The following UBE2QL1 variants were observed in gnomAD, a reference collection of about 807,000 sequenced individuals.
UBE2QL1 encodes the protein ubiquitin-conjugating enzyme E2Q-like protein 1.
UBE2QL1 carries 5 observed loss-of-function variants against 12.6 expected under a neutral mutation model. The observed-to-expected ratio is 0.40, with a 90% CI of 0.21 to 0.83. UBE2QL1 has a LOEUF of 0.83. Among genes scored for constraint, UBE2QL1 ranks in the 40% least tolerant of loss-of-function variants. The pLI is 0.37. For synonymous variants in UBE2QL1, 96 were observed against 94.5 expected, an observed-to-expected ratio of 1.02 and a Z score of -0.10; for missense variants, 99 against 222.6, an observed-to-expected ratio of 0.44 and a Z score of 3.53.
rs1344861331 is a variant in UBE2QL1, at chr5:6,461,541, C to CCG, written c.354+12295_354+12296insGC. On this transcript the variant is annotated intron_variant, in intron 1 of 1. Transcript: ENST00000399816. ...TATCCCCAGTGTTTTTCAGCACCCA[C>CCG]CACCCCCCCCCGCCGGCATATCATT... Among the ~76,000 whole-genome samples, 41 of 40,772 alleles carry CCG rather than the reference C, an allele frequency of 1.0e-3. 2 individuals are homozygous for CCG. The highest frequency in any genetic ancestry group is 2.3e-3 in the African/African-American group (34 of 14,996). 26.7% of individuals were successfully genotyped at this position (40,772 alleles called of 152,430 possible). A position where few individuals can be genotyped will look rare whatever the true frequency, so the allele number is the denominator to read the frequency against.
chr5:6,478,922 C>T lies in UBE2QL1; in HGVS notation c.355-12296C>T, dbSNP rs756216552. 1.8e-4 allele frequency among the ~76,000 whole-genome samples: 28 copies of T among 152,132 alleles called. No homozygotes were observed. The highest frequency in any genetic ancestry group is 3.3e-4 in the Admixed American group (5 of 15,280). On this transcript the variant is annotated intron_variant, in intron 1 of 1. Transcript: ENST00000399816. This position sits in a 1 kb window ranked among gnomAD's most constrained non-coding sequence, Gnocchi z 4.5. The stretch of plus-strand genomic sequence containing the variant: ...GGTGCATCTGATCTCCCTGGCACCC[C>T]TCCACTCCCCTCTGCTTCCTTCCTG...
intron 1 of UBE2QL1, among the ~76,000 whole-genome samples, chr5:6,451,461 T>G (rs568859379): frequency 2.6e-4 from 39 of 152,344 alleles, no homozygotes; most frequent in African/African-American, 9.1e-4. Flanking sequence ...AAGTGAGAGA[T>G]TTCTTTATTG....
chr5:6,475,034 A>G (rs752511276), intron 1 of UBE2QL1, among the ~76,000 whole-genome samples: 1 of 152,254 alleles, frequency 6.6e-6, no homozygotes, highest in Non-Finnish European at 1.5e-5. Flanking sequence ...AGCTTTCCCT[A>G]TATTCTATCA....
chr5:6,476,081 AG>A lies in UBE2QL1; in HGVS notation c.355-15134del, dbSNP rs1408562945. On this transcript the variant is annotated intron_variant, in intron 1 of 1. Transcript: ENST00000399816. The surrounding 1 kb of genome is among the most constrained non-coding windows in gnomAD (Gnocchi z 4.9). ...AGAACACTTTCAGGACTTCAAAATC[AG>A]GGTGGGGTATGCCTGCTTAGTCATG... Among the ~76,000 whole-genome samples the A allele has an allele frequency of 1.3e-5, 2 of 152,012 alleles. No homozygotes were observed. The highest frequency in any genetic ancestry group is 2.9e-5 in the Non-Finnish European group (2 of 67,994).
At chr5:6,455,001 C>T (rs1274154546) in intron 1 of UBE2QL1, among the ~76,000 whole-genome samples, 1 of 152,178 alleles carries the variant, frequency 6.6e-6, no homozygotes, top group Non-Finnish European at 1.5e-5. Context: ...TTGGAGAGCT[C>T]CAGCAGCTCA....
rs928204327 is a variant in UBE2QL1, at chr5:6,494,345, T to C, written c.*2996T>C. The C allele has an allele frequency of 6.6e-6, 1 of 152,220 alleles. No homozygotes were observed. The highest frequency in any genetic ancestry group is 2.4e-5 in the African/African-American group (1 of 41,468). The allele number at this position is 152,220 out of a possible 1,614,324, so 9.4% of individuals were successfully genotyped here. A position where few individuals can be genotyped will look rare whatever the true frequency, so the allele number is the denominator to read the frequency against. On this transcript the variant is annotated 3_prime_UTR_variant, in exon 2 of 2. Coordinates refer to ENST00000399816, the MANE Select transcript of UBE2QL1 (RefSeq NM_001145161.3). Reference sequence around the variant, plus strand: ...CATGTGCCAATACTCCTGCAAAGACTTGCTGTTTCTAAAATCCACTACTCA... The same window carrying C: ...CATGTGCCAATACTCCTGCAAAGACCTGCTGTTTCTAAAATCCACTACTCA...
chr5:6,466,490 G>A (rs1196590343), intron 1 of UBE2QL1, among the ~76,000 whole-genome samples: 3 of 152,240 alleles, frequency 2.0e-5, no homozygotes, highest in Non-Finnish European at 4.4e-5. Flanking sequence ...GGTGGGGCTG[G>A]GCAGTGTGGC....
At chr5:6,468,414 A>T (rs1281979449) in intron 1 of UBE2QL1, among the ~76,000 whole-genome samples, 1 of 152,078 alleles carries the variant, frequency 6.6e-6, no homozygotes, top group Non-Finnish European at 1.5e-5. Flanking sequence ...GCAAAGTGAG[A>T]GTGTGGAGGG....
chr5:6,475,948 G>A (rs1734218588), intron 1 of UBE2QL1, among the ~76,000 whole-genome samples: 1 of 152,208 alleles, frequency 6.6e-6, no homozygotes, highest in Non-Finnish European at 1.5e-5. Context: ...ATAGGTGCTG[G>A]ATTTAACCCC....
chr5:6,484,818 G>A (rs909726415), intron 1 of UBE2QL1, among the ~76,000 whole-genome samples: 11 of 151,748 alleles, frequency 7.2e-5, no homozygotes, highest in Non-Finnish European at 1.3e-4. Flanking sequence ...GTGCTGGGTC[G>A]GGTTCTGACA....
At chr5:6,483,203 A>C (rs139658676) in intron 1 of UBE2QL1, among the ~76,000 whole-genome samples, 10,838 of 152,224 alleles carry the variant, frequency 0.071, 430 homozygotes, top group Middle Eastern at 0.12. Context: ...TGGGAGGCCG[A>C]GGCGGGTGGA....
chr5:6,480,092 T>A (rs1734328882), intron 1 of UBE2QL1, among the ~76,000 whole-genome samples: 1 of 152,212 alleles, frequency 6.6e-6, no homozygotes, highest in Non-Finnish European at 1.5e-5. Flanking sequence ...TTTGTTTGTT[T>A]GTTTGAGTGA....
chr5:6,465,058 C>T (rs1245137482), intron 1 of UBE2QL1, among the ~76,000 whole-genome samples: 1 of 151,480 alleles, frequency 6.6e-6, no homozygotes, highest in Non-Finnish European at 1.5e-5. Context: ...ACAATCTCGG[C>T]TCATTGCAAC....
intron 1 of UBE2QL1, among the ~76,000 whole-genome samples, chr5:6,473,137 C>T (rs1488035915): frequency 2.6e-5 from 4 of 152,176 alleles, no homozygotes; most frequent in Non-Finnish European, 5.9e-5. Context: ...TTTAGGAATG[C>T]GGCCTCCTAG....
rs550526203 is a variant in UBE2QL1, at chr5:6,483,782, T to C, written c.355-7436T>C. Among the ~76,000 whole-genome samples the C allele has an allele frequency of 5.9e-5, 9 of 152,314 alleles. No homozygotes were observed. The East Asian group carries it at 1.7e-3, about 29-fold the overall frequency. ...CACTAAAGCCACGCCAAGGGCTGGT[T>C]CCCTTGTGGCTGATCCCTGTGTGGC... is the stretch of plus-strand genomic sequence containing the variant. On this transcript the variant is annotated intron_variant, in intron 1 of 1. Coordinates refer to ENST00000399816, the MANE Select transcript of UBE2QL1 (RefSeq NM_001145161.3).
chr5:6,461,773 T>G (rs1012009047), intron 1 of UBE2QL1, among the ~76,000 whole-genome samples: 3 of 152,150 alleles, frequency 2.0e-5, no homozygotes, highest in Non-Finnish European at 4.4e-5. Flanking sequence ...TATTTAGCTG[T>G]CACGTAATCT....
chr5:6,468,222 T>G (rs942652555), intron 1 of UBE2QL1, among the ~76,000 whole-genome samples: 1 of 152,202 alleles, frequency 6.6e-6, no homozygotes, highest in African/African-American at 2.4e-5. Context: ...TGAAAATGCC[T>G]TGTCCTGGTT....
intron 1 of UBE2QL1, among the ~76,000 whole-genome samples, chr5:6,452,925 A>G (rs272471): frequency 0.85 from 128,967 of 152,108 alleles, 54,901 homozygotes; most frequent in Middle Eastern, 0.88. Context: ...ACTGTGGCTC[A>G]CCTCCTGAGT....
intron 1 of UBE2QL1, among the ~76,000 whole-genome samples, chr5:6,469,376 T>C (rs1739859345): frequency 6.6e-6 from 1 of 150,698 alleles, no homozygotes; most frequent in Non-Finnish European, 1.5e-5. Context: ...TATATATGTA[T>C]ATGAACATAA....
Sources: gnomAD v4.1 joint callset for allele counts (sites outside exome capture counted in the v4.1 genomes callset) on GRCh38, gnomAD v4.1.1 for gene constraint, Gnocchi (gnomAD v3.1) non-coding constraint, MANE v1.5 for transcripts, NCBI Gene and HGNC (gene_info 2026-07-23, HGNC 2026-07-21) for gene names.